LHX5: variants seen among roughly 807,000 people sequenced by gnomAD.
LHX5 encodes the protein LIM/homeobox protein Lhx5.
A neutral mutation model predicts 30.6 loss-of-function variants in LHX5; 5 were observed. The ratio of observed to expected loss-of-function variants is 0.16; its 90% CI spans 0.09 to 0.34. The LOEUF (loss-of-function observed/expected upper bound fraction) is 0.34, where lower values mean the gene tolerates loss of function less well. Ranked by LOEUF, LHX5 falls within the 10% of genes least tolerant of loss-of-function variation. The pLI is 1.00. For synonymous variants in LHX5, 266 were observed against 252.6 expected, an observed-to-expected ratio of 1.05 and a Z score of -0.50; for missense variants, 458 against 570.6, an observed-to-expected ratio of 0.80 and a Z score of 2.01.
At chr12:113,470,699 G>A (rs1382148310) in intron 1 of LHX5, among the ~76,000 whole-genome samples, 2 of 152,252 alleles carry the variant, frequency 1.3e-5, no homozygotes, top group African/African-American at 4.8e-5. Flanking sequence ...GGCCCACAGG[G>A]GTAGGGGGGC....
At position 113,469,452 on chromosome 12, in the gene LHX5, T is replaced by C. The variant is rs936059244; in HGVS notation, c.174-107A>G. 5 of 990,616 alleles carry C rather than the reference T, an allele frequency of 5.0e-6. No individual in the cohort carries two copies. The African/African-American group carries it at 8.0e-5, about 16-fold the overall frequency. 61.4% of individuals were successfully genotyped at this position (990,616 alleles called of 1,614,324 possible). On this transcript the variant is annotated intron_variant, in intron 1 of 4. Coordinates refer to ENST00000261731, the MANE Select transcript of LHX5 (RefSeq NM_022363.3). ...GGCTTCGGTGAAGTCCCCATTTCCATATCTGTCAAACGGAACCCCAATCCT... is the reference window on the plus strand; with the variant it reads ...GGCTTCGGTGAAGTCCCCATTTCCACATCTGTCAAACGGAACCCCAATCCT...
chr12:113,467,285 A>C lies in LHX5; in HGVS notation c.812T>G (p.Leu271Trp), dbSNP rs1420345074. 1 of 1,533,124 alleles carries C rather than the reference A, an allele frequency of 6.5e-7. No homozygotes were observed. The highest frequency in any genetic ancestry group is 8.8e-7 in the Non-Finnish European group (1 of 1,132,398). 95.0% of individuals were successfully genotyped at this position (1,533,124 alleles called of 1,614,324 possible). The change falls in exon 4 of 5, where the codon TTG becomes TGG. Residue 271 changes from leucine (L) to tryptophan (W), a missense_variant. Around this residue, in one of 3 missense-constraint regions of LHX5, gnomAD observed 255 missense variants for 246.8 expected, o/e 1.03. Coordinates refer to ENST00000261731, the MANE Select transcript of LHX5 (RefSeq NM_022363.3). The surrounding 1 kb of genome is among the most constrained non-coding windows in gnomAD (Gnocchi z 6.3). ...LGGRLDESEMLGSTPYTYYGD... is the reference protein window; with the variant it reads ...LGGRLDESEMWGSTPYTYYGD... ...GTAGTAGGTGTACGGGGTGGACCCC[A>C]ACATCTCAGACTCGTCCAAGCGGCC... is the stretch of plus-strand genomic sequence containing the variant.
rs888898637 is a variant in LHX5 at position 113,465,824 on chromosome 12, C to T, written c.841+1432G>A. Among the ~76,000 whole-genome samples the T allele has an allele frequency of 6.6e-6, 1 of 151,936 alleles. No individual in the cohort carries two copies. The highest frequency in any genetic ancestry group is 1.5e-5 in the Non-Finnish European group (1 of 67,968). The stretch of plus-strand genomic sequence containing the variant: ...CGGTGAGTGGAGACTCCGGAAGACA[C>T]GCCCACCATCCGGGCTCTCCAGGGT... On this transcript the variant is annotated intron_variant, in intron 4 of 4. Transcript: ENST00000261731. This position sits in a 1 kb window ranked among gnomAD's most constrained non-coding sequence, Gnocchi z 6.7.
Position 113,466,375 on chromosome 12 carries a change from C to T in LHX5, c.841+881G>A, listed in dbSNP as rs545079510. Reference sequence around the variant, plus strand: ...GATAGGGGGAGTTGGGATGGCTCACCAATCCAGTGTGAGGGAAGTGAGAGG... The same window carrying T: ...GATAGGGGGAGTTGGGATGGCTCACTAATCCAGTGTGAGGGAAGTGAGAGG... On this transcript the variant is annotated intron_variant, in intron 4 of 4. Coordinates refer to ENST00000261731, the MANE Select transcript of LHX5 (RefSeq NM_022363.3). The surrounding 1 kb of genome is among the most constrained non-coding windows in gnomAD (Gnocchi z 6.5). Among the ~76,000 whole-genome samples, 1 of 152,148 alleles carries T rather than the reference C, an allele frequency of 6.6e-6. No individual in the cohort carries two copies. The highest frequency in any genetic ancestry group is 2.1e-4 in the South Asian group (1 of 4,826).
chr12:113,469,847 C>T (rs995266820), intron 1 of LHX5, among the ~76,000 whole-genome samples: 1 of 152,224 alleles, frequency 6.6e-6, no homozygotes, highest in African/African-American at 2.4e-5. Flanking sequence ...AGCCCTTCTC[C>T]TAGGCTGGAA....
chr12:113,471,586 C>T lies in LHX5; in HGVS notation c.-88G>A. The T allele has an allele frequency of 7.7e-7, 1 of 1,294,686 alleles. No homozygotes were observed. The highest frequency in any genetic ancestry group is 1.1e-6 in the Non-Finnish European group (1 of 946,382). The allele number at this position is 1,294,686 out of a possible 1,614,324, so 80.2% of individuals were successfully genotyped here. ...TGCCGGGCCCTCCGCTGCCCTTCGC[C>T]TCTTGTCTCAGCAGCTGCAGGGCGA... On this transcript the variant is annotated 5_prime_UTR_variant, in exon 1 of 5. Coordinates refer to ENST00000261731, the MANE Select transcript of LHX5 (RefSeq NM_022363.3).
rs763872133 is a variant in LHX5, at chr12:113,471,376, C to G, written c.123G>C (p.Glu41Asp). 6.2e-7 allele frequency: 1 copy of G among 1,614,084 alleles called. No individual in the cohort carries two copies. The highest frequency in any genetic ancestry group is 1.1e-5 in the South Asian group (1 of 91,084). The change falls in exon 1 of 5, where the codon GAG (glutamate) becomes GAC (aspartate). Residue 41 changes from glutamate (E) to aspartate (D), a missense_variant. Around this residue, in one of 3 missense-constraint regions of LHX5, gnomAD observed 178 missense variants for 238.5 expected, o/e 0.75. Transcript: ENST00000261731. ...GCTTGCCCTCGCGCGAGAAGCACTT[C>G]TCCGAGAGGTTGGTTTTGCACTCGC... ...QCCECKTNLSEKCFSREGKLY... is the reference protein window; with the variant it reads ...QCCECKTNLSDKCFSREGKLY...
chr12:113,462,958 G>C lies in LHX5; in HGVS notation c.*232C>G. On this transcript the variant is annotated 3_prime_UTR_variant, in exon 5 of 5. Coordinates refer to ENST00000261731, the MANE Select transcript of LHX5 (RefSeq NM_022363.3). ...CCAAGAAATTGCTCGCGGTTGCTGG[G>C]AGAGTACTGGCGGTGGGCTGAGGCT... 1 of 466,562 alleles carries C rather than the reference G, an allele frequency of 2.1e-6. No homozygotes were observed. Among genetic ancestry groups the C allele is most frequent in the Non-Finnish European group, 3.8e-6 (1 of 264,464 alleles). 28.9% of individuals were successfully genotyped at this position (466,562 alleles called of 1,614,324 possible).
chr12:113,471,230 A>T, intron 1 of LHX5, 96 bp downstream of exon 1: 1 of 1,281,148 alleles, frequency 7.8e-7, no homozygotes, highest in Non-Finnish European at 1.1e-6. Context: ...TGATCCGGGG[A>T]GGCTGGGATG....
rs1593328129 is a variant in LHX5 at position 113,467,662 on chromosome 12, C to T, written c.676-241G>A. ...CTCATAAAGACTTGGGCTTCCTGGT[C>T]CCCGGCTCGCCCGCGGCCTGACGGC... On this transcript the variant is annotated intron_variant, in intron 3 of 4. Transcript: ENST00000261731. The surrounding 1 kb of genome is among the most constrained non-coding windows in gnomAD (Gnocchi z 6.3). 6.6e-6 allele frequency among the ~76,000 whole-genome samples: 1 copy of T among 152,232 alleles called. No homozygotes were observed. The highest frequency in any genetic ancestry group is 6.5e-5 in the Admixed American group (1 of 15,294).
At position 113,471,733 on chromosome 12, in the gene LHX5, A is replaced by G; in HGVS notation, c.-235T>C. Reference sequence around the variant, plus strand: ...TTCACAACCTCATGCCACGGGCCGCACGCCCCGGCGCCTGTTCCGGGCTTC... The same window carrying G: ...TTCACAACCTCATGCCACGGGCCGCGCGCCCCGGCGCCTGTTCCGGGCTTC... On this transcript the variant is annotated 5_prime_UTR_variant, in exon 1 of 5. Transcript: ENST00000261731. 1 of 455,542 alleles carries G rather than the reference A, an allele frequency of 2.2e-6. No individual in the cohort carries two copies. Among genetic ancestry groups the G allele is most frequent in the Non-Finnish European group, 3.9e-6 (1 of 259,516 alleles). The allele number at this position is 455,542 out of a possible 1,614,324, so 28.2% of individuals were successfully genotyped here.
At chr12:113,470,443 C>T (rs1958241890) in intron 1 of LHX5, among the ~76,000 whole-genome samples, 1 of 152,256 alleles carries the variant, frequency 6.6e-6, no homozygotes, top group Non-Finnish European at 1.5e-5. Flanking sequence ...GGAGTTAACA[C>T]GTGTAAAGGA....
At chr12:113,468,498 G>T in intron 2 of LHX5, 94 bp from the exon 3 acceptor site, 3 of 1,410,020 alleles carry the variant, frequency 2.1e-6, no homozygotes, top group South Asian at 2.8e-5. Flanking sequence ...CCCAAGCTAC[G>T]GCCTGCCCAG....
At position 113,463,057 on chromosome 12, in the gene LHX5, A is replaced by G. The variant is rs903418298; in HGVS notation, c.*133T>C. On this transcript the variant is annotated 3_prime_UTR_variant, in exon 5 of 5. Transcript: ENST00000261731. The surrounding 1 kb of genome is among the most constrained non-coding windows in gnomAD (Gnocchi z 6.7). ...CCAGCCGAGGAGCAGCTGCCAGTTG[A>G]GTGCGGACCCGAGAGAGAACCCCCG... 3.5e-4 allele frequency: 270 copies of G among 761,250 alleles called. No homozygotes were observed. Among genetic ancestry groups the G allele is most frequent in the Non-Finnish European group, 4.9e-4 (253 of 512,906 alleles). 47.2% of individuals were successfully genotyped at this position (761,250 alleles called of 1,614,324 possible). A position where few individuals can be genotyped will look rare whatever the true frequency, so the allele number is the denominator to read the frequency against.
chr12:113,462,812 C>T lies in LHX5; in HGVS notation c.*378G>A, dbSNP rs1958182768. ...GAGAGGGAAAAACACCGTCTCCGCC[C>T]CTTGGCCTCACCCTCTCTCAGTCCA... On this transcript the variant is annotated 3_prime_UTR_variant, in exon 5 of 5. Coordinates refer to ENST00000261731, the MANE Select transcript of LHX5 (RefSeq NM_022363.3). The T allele has an allele frequency of 5.9e-6, 1 of 170,854 alleles. No homozygotes were observed. Among genetic ancestry groups the T allele is most frequent in the African/African-American group, 2.5e-5 (1 of 40,512 alleles). The allele number at this position is 170,854 out of a possible 1,614,324, so 10.6% of individuals were successfully genotyped here. A position where few individuals can be genotyped will look rare whatever the true frequency, so the allele number is the denominator to read the frequency against.
rs554929315 is a variant in LHX5, at chr12:113,463,254, G to A, written c.1145C>T (p.Thr382Ile). 1.2e-4 allele frequency: 186 copies of A among 1,527,190 alleles called. No homozygotes were observed. The highest frequency in any genetic ancestry group is 7.9e-4 in the South Asian group (66 of 83,376). The allele number at this position is 1,527,190 out of a possible 1,614,324, so 94.6% of individuals were successfully genotyped here. A position where few individuals can be genotyped will look rare whatever the true frequency, so the allele number is the denominator to read the frequency against. Residue 382 changes from threonine to isoleucine, a missense_variant, in exon 5 of 5, where the codon ACC (threonine) becomes ATC (isoleucine). Thr to Ile is a moderately conservative substitution (Grantham distance 89). This residue lies in a region of LHX5 where 255 missense variants were observed against 246.8 expected (regional missense o/e 1.03). Coordinates refer to ENST00000261731, the MANE Select transcript of LHX5 (RefSeq NM_022363.3). This position sits in a 1 kb window ranked among gnomAD's most constrained non-coding sequence, Gnocchi z 6.7. ...GPSPPFPMSG[T>I]SGYSGPLSHP... is the part of the protein sequence containing the mutation. ...CGACAGGGGTCCGCTGTAGCCGCTG[G>A]TGCCGCTCATTGGGAAGGGCGGGCT... is the stretch of plus-strand genomic sequence containing the variant.
intron 3 of LHX5, 26 bp downstream of exon 3, chr12:113,468,101 G>C: frequency 2.0e-6 from 3 of 1,510,034 alleles, no homozygotes; most frequent in Non-Finnish European, 2.7e-6. Context: ...GCGGGGCTAA[G>C]GAGCTGTGCC....
chr12:113,468,184 C>T lies in LHX5; in HGVS notation c.618G>A (p.Thr206=), dbSNP rs2136978584. The T allele has an allele frequency of 2.5e-6, 4 of 1,612,228 alleles. No homozygotes were observed. The highest frequency in any genetic ancestry group is 3.4e-6 in the Non-Finnish European group (4 of 1,179,392). ...KAAFAATPKP[T]RHIREQLAQE... ...GCGCCAGCTGCTCGCGGATGTGGCG[C>T]GTGGGCTTGGGCGTGGCGGCGAAGG... is the stretch of plus-strand genomic sequence containing the variant. Residue 206 remains threonine (T), a synonymous_variant, in exon 3 of 5, where the codon ACG becomes ACA. Transcript: ENST00000261731.
intron 1 of LHX5, among the ~76,000 whole-genome samples, chr12:113,469,790 G>A (rs375199575): frequency 6.6e-6 from 1 of 152,228 alleles, no homozygotes; most frequent in Non-Finnish European, 1.5e-5. Context: ...CTGCTGCCTA[G>A]CTAGGGCCAA....
Sources: gnomAD v4.1 joint callset for allele counts (sites outside exome capture counted in the v4.1 genomes callset) on GRCh38, gnomAD v4.1.1 for gene constraint, gnomAD v4.1.1 regional missense constraint, Gnocchi (gnomAD v3.1) non-coding constraint, MANE v1.5 for transcripts, NCBI Gene and HGNC (gene_info 2026-07-23, HGNC 2026-07-21) for gene names.